Variants in LIPK observed in about 807,000 individuals in gnomAD.
The protein encoded by LIPK is lipase family member K.
A neutral mutation model predicts 48.6 loss-of-function variants in LIPK; 32 were observed. The observed-to-expected ratio is 0.66, with a 90% CI of 0.50 to 0.88. LIPK has a LOEUF of 0.88. Ranked by LOEUF, LIPK falls within the 40% of genes least tolerant of loss-of-function variation. The pLI is 0.00. For missense variants in LIPK, 507 were observed against 478.5 expected (o/e 1.06, Z -0.56); for synonymous variants, 164 against 157.4 (o/e 1.04, Z -0.32).
chr10:88,744,689 G>T (rs149678272), intron 9 of LIPK, among the ~76,000 whole-genome samples: 6 of 152,296 alleles, frequency 3.9e-5, no homozygotes, highest in Non-Finnish European at 7.4e-5. Flanking sequence ...AGTTGAGAAG[G>T]AATCAGTGCA....
intron 1 of LIPK, among the ~76,000 whole-genome samples, chr10:88,721,917 A>C (rs1284705216): frequency 6.6e-6 from 1 of 152,240 alleles, no homozygotes; most frequent in African/African-American, 2.4e-5. Context: ...GCTTACTCTC[A>C]GTGAGGAATG....
chr10:88,716,879 T>C (rs1342619983), intron 1 of LIPK, among the ~76,000 whole-genome samples: 1 of 150,278 alleles, frequency 6.7e-6, no homozygotes, highest in Non-Finnish European at 1.5e-5. Flanking sequence ...GATTTTTTTT[T>C]CTCACCTAGG....
chr10:88,737,994 T>C (rs1226327042), intron 7 of LIPK, among the ~76,000 whole-genome samples: 2 of 152,238 alleles, frequency 1.3e-5, no homozygotes, highest in African/African-American at 4.8e-5. Context: ...AATTCTCATC[T>C]CTTCTTACCC....
chr10:88,738,505 CT>C (rs1438661818), intron 7 of LIPK, among the ~76,000 whole-genome samples: 4 of 152,180 alleles, frequency 2.6e-5, no homozygotes, highest in Non-Finnish European at 5.9e-5. Flanking sequence ...TTATAAAAGG[CT>C]TTTTATGCAA....
chr10:88,735,783 A>G (rs979885674), intron 6 of LIPK, among the ~76,000 whole-genome samples: 10 of 152,320 alleles, frequency 6.6e-5, no homozygotes, highest in African/African-American at 2.2e-4. Context: ...TATATCTACA[A>G]GTTGGCATGT....
intron 4 of LIPK, among the ~76,000 whole-genome samples, chr10:88,731,767 T>C (rs539976904): frequency 1.3e-5 from 2 of 152,384 alleles, no homozygotes; most frequent in East Asian, 1.9e-4. Context: ...TTGTTAAATA[T>C]GCAGATTACT....
At chr10:88,738,005 G>A (rs1455247013) in intron 7 of LIPK, among the ~76,000 whole-genome samples, 7 of 152,150 alleles carry the variant, frequency 4.6e-5, no homozygotes, top group Non-Finnish European at 8.8e-5. Flanking sequence ...CTTCTTACCC[G>A]AAACGTCCTT....
rs745465262 is a variant in LIPK at position 88,732,264 on chromosome 10, G to A, written c.509G>A (p.Gly170Asp). Reference sequence around the variant, plus strand: ...GGACAGAAGCGACTCTACTACGTGGGCCACTCACAAGGCACCACCATAGGT... The same window carrying A: ...GGACAGAAGCGACTCTACTACGTGGACCACTCACAAGGCACCACCATAGGT... ...KTGQKRLYYV[G>D]HSQGTTIAFI... The change falls in exon 5 of 10, where the codon GGC becomes GAC. Residue 170 changes from glycine to aspartate, a missense_variant. Transcript: ENST00000404190. The A allele has an allele frequency of 1.1e-5, 17 of 1,613,792 alleles. No homozygotes were observed. Among genetic ancestry groups the A allele is most frequent in the African/African-American group, 2.7e-5 (2 of 75,022 alleles).
intron 8 of LIPK, among the ~76,000 whole-genome samples, chr10:88,741,005 C>T (rs1564569278): frequency 6.6e-6 from 1 of 152,116 alleles, no homozygotes; most frequent in Admixed American, 6.5e-5. Flanking sequence ...TTCCTACTGA[C>T]GAGGAGACAG....
At chr10:88,709,198 A>G (rs533717595) in intron 1 of LIPK, among the ~76,000 whole-genome samples, 1 of 152,348 alleles carries the variant, frequency 6.6e-6, no homozygotes, top group East Asian at 1.9e-4. Context: ...GAGTGCTGAG[A>G]AACCATGTTT....
intron 6 of LIPK, among the ~76,000 whole-genome samples, chr10:88,733,770 T>C (rs1284958973): frequency 2.0e-5 from 3 of 152,232 alleles, no homozygotes; most frequent in East Asian, 3.8e-4. Flanking sequence ...CCCTGACGTG[T>C]GTAGGACGTG....
At chr10:88,717,859 G>A (rs890142124) in intron 1 of LIPK, among the ~76,000 whole-genome samples, 3 of 151,510 alleles carry the variant, frequency 2.0e-5, no homozygotes, top group Non-Finnish European at 4.4e-5. Context: ...CACTCAGGTT[G>A]CCTAAACTTG....
rs368355389 is a variant in LIPK, at chr10:88,725,125, T to A, written c.105+477T>A. On this transcript the variant is annotated intron_variant, in intron 2 of 9. Transcript: ENST00000404190. The stretch of plus-strand genomic sequence containing the variant: ...AGAAAAAAAGGCCAAATGACAAATA[T>A]CTACTACAGAATTCATTCAGATAAT... Among the ~76,000 whole-genome samples the A allele has an allele frequency of 5.3e-5, 8 of 152,308 alleles. No homozygotes were observed. The South Asian group carries it at 1.7e-3, about 32-fold the overall frequency.
chr10:88,752,767 C>A lies in LIPK; in HGVS notation c.*11C>A. On this transcript the variant is annotated 3_prime_UTR_variant, in exon 10 of 10. Coordinates refer to ENST00000404190, the MANE Select transcript of LIPK (RefSeq NM_001080518.2). Reference sequence around the variant, plus strand: ...TATTTACAAAATTAAATGCACTTTACTTTCTCTAAGCAAGTGGATTTTCAT... The same window carrying A: ...TATTTACAAAATTAAATGCACTTTAATTTCTCTAAGCAAGTGGATTTTCAT... 6.6e-7 allele frequency: 1 copy of A among 1,525,884 alleles called. No individual in the cohort carries two copies. Among genetic ancestry groups the A allele is most frequent in the Non-Finnish European group, 8.9e-7 (1 of 1,125,542 alleles). The allele number at this position is 1,525,884 out of a possible 1,614,324, so 94.5% of individuals were successfully genotyped here.
rs551704297 is a variant in LIPK at position 88,732,260 on chromosome 10, G to A, written c.505G>A (p.Val169Met). 1.0e-4 allele frequency: 164 copies of A among 1,613,770 alleles called. No individual in the cohort carries two copies. In the East Asian group the frequency reaches 1.2e-3, roughly 12 times the overall value. ...AACTGGACAGAAGCGACTCTACTAC[G>A]TGGGCCACTCACAAGGCACCACCAT... ...EKTGQKRLYY[V>M]GHSQGTTIAF... is the part of the protein sequence containing the mutation. Residue 169 changes from valine (V) to methionine (M), a missense_variant, in exon 5 of 10, where the codon GTG becomes ATG. Transcript: ENST00000404190.
intron 8 of LIPK, among the ~76,000 whole-genome samples, chr10:88,740,969 G>T (rs112965980): frequency 6.6e-6 from 1 of 152,112 alleles, no homozygotes; most frequent in East Asian, 1.9e-4. Context: ...GTTCCTCTAC[G>T]AAGAAAGATG....
chr10:88,738,450 C>T (rs1842617542), intron 7 of LIPK, among the ~76,000 whole-genome samples: 1 of 152,196 alleles, frequency 6.6e-6, no homozygotes, highest in Non-Finnish European at 1.5e-5. Flanking sequence ...CTCTCCCAGT[C>T]AGTAGAAAGC....
chr10:88,724,179 T>C (rs1334746787), intron 1 of LIPK, among the ~76,000 whole-genome samples: 2 of 152,202 alleles, frequency 1.3e-5, no homozygotes, highest in Non-Finnish European at 2.9e-5. Context: ...ATCTAGTAAC[T>C]AGAGATACCA....
chr10:88,751,438 C>T (rs1008078213), intron 9 of LIPK, among the ~76,000 whole-genome samples: 1 of 151,964 alleles, frequency 6.6e-6, no homozygotes, highest in Non-Finnish European at 1.5e-5. Context: ...GTTGTAAAGG[C>T]TAATCTTGAA....
Sources: gnomAD v4.1 joint callset for allele counts (sites outside exome capture counted in the v4.1 genomes callset) on GRCh38, gnomAD v4.1.1 for gene constraint, MANE v1.5 for transcripts, NCBI Gene and HGNC (gene_info 2026-07-23, HGNC 2026-07-21) for gene names.